MGAT4C: variants seen among roughly 807,000 people sequenced by gnomAD.
The protein encoded by MGAT4C is MGAT4 family member C.
In MGAT4C, 19 loss-of-function variants were observed where a neutral mutation model predicts 40.1. The observed-to-expected ratio is 0.47, with a 90% CI of 0.33 to 0.70. The LOEUF (loss-of-function observed/expected upper bound fraction) is 0.70. Ranked by LOEUF, MGAT4C falls within the 30% of genes least tolerant of loss-of-function variation. The pLI is 0.02. For missense variants in MGAT4C, 491 were observed against 563.2 expected, an observed-to-expected ratio of 0.87 and a Z score of 1.30; for synonymous variants, 181 against 187.1, an observed-to-expected ratio of 0.97 and a Z score of 0.27.
intron 3 of MGAT4C, among the ~76,000 whole-genome samples, chr12:86,405,433 C>T (rs941817519): frequency 1.3e-5 from 2 of 151,792 alleles, no homozygotes; most frequent in East Asian, 3.9e-4. Flanking sequence ...AAGGCTTGCA[C>T]CAGACTTGTA....
At chr12:86,295,047 G>A (rs1953626719) in intron 4 of MGAT4C, among the ~76,000 whole-genome samples, 1 of 152,122 alleles carries the variant, frequency 6.6e-6, no homozygotes, top group South Asian at 2.1e-4. Context: ...CATGGAGAAT[G>A]GTTCTTTAAA....
In MGAT4C at chr12:86,672,759, G is replaced by A. The variant is rs1213789450; in HGVS notation, c.-229+54450C>T. The stretch of plus-strand genomic sequence containing the variant: ...ACAATAGAAACTAGAAAGTAATAGG[G>A]AGGTTGGCAGGCAGGGAAAATGTTG... On this transcript the variant is annotated intron_variant, in intron 2 of 7. Coordinates refer to the MGAT4C transcript ENST00000548651. Among the ~76,000 whole-genome samples the A allele has an allele frequency of 4.6e-5, 7 of 152,208 alleles. No homozygotes were observed. The South Asian group carries it at 1.5e-3, about 32-fold the overall frequency.
chr12:86,214,243 C>T (rs191013065), intron 1 of MGAT4C, among the ~76,000 whole-genome samples: 3 of 152,250 alleles, frequency 2.0e-5, no homozygotes, highest in African/African-American at 7.2e-5. Context: ...CCCTTTTCTT[C>T]TGGACTATGT....
At chr12:86,443,761 T>C (rs530483205) in intron 2 of MGAT4C, among the ~76,000 whole-genome samples, 21 of 152,142 alleles carry the variant, frequency 1.4e-4, no homozygotes, top group Non-Finnish European at 3.1e-4. Context: ...GTCAGGCTAA[T>C]TTTTTGTATT....
chr12:86,053,628 G>C (rs1030567650), intron 1 of MGAT4C, among the ~76,000 whole-genome samples: 2 of 151,742 alleles, frequency 1.3e-5, no homozygotes, highest in Non-Finnish European at 1.5e-5. Context: ...GAGAAACAAT[G>C]GATAAAACAA....
chr12:86,593,854 C>T (rs978263549), intron 2 of MGAT4C, among the ~76,000 whole-genome samples: 6 of 151,668 alleles, frequency 4.0e-5, no homozygotes, highest in African/African-American at 1.2e-4. Flanking sequence ...CTCTGTTCTA[C>T]GTCATGCTTC....
chr12:86,503,741 A>G (rs1402327434), intron 2 of MGAT4C, among the ~76,000 whole-genome samples: 2 of 96,680 alleles, frequency 2.1e-5, no homozygotes, highest in Non-Finnish European at 4.0e-5. Context: ...CTGCTCATAT[A>G]TATATATATG....
chr12:86,477,239 TA>T (rs1039359512), intron 2 of MGAT4C, among the ~76,000 whole-genome samples: 1 of 151,864 alleles, frequency 6.6e-6, no homozygotes, highest in Non-Finnish European at 1.5e-5. Flanking sequence ...ATGCAGCCAT[TA>T]AAAAAACCTT....
At chr12:86,811,374 ACT>A (rs1952471217) in intron 1 of MGAT4C, among the ~76,000 whole-genome samples, 1 of 123,376 alleles carries the variant, frequency 8.1e-6, no homozygotes, top group Non-Finnish European at 1.6e-5. Context: ...ACAGAGTCTC[ACT>A]CTGTCACCCA....
chr12:86,552,655 G>A (rs905090710), intron 2 of MGAT4C, among the ~76,000 whole-genome samples: 12 of 151,840 alleles, frequency 7.9e-5, no homozygotes, highest in African/African-American at 2.9e-4. Flanking sequence ...CAATTATTAT[G>A]TGCCAATTTA....
intron 2 of MGAT4C, among the ~76,000 whole-genome samples, chr12:86,021,139 T>G (rs1179530769): frequency 3.9e-5 from 6 of 152,108 alleles, no homozygotes; most frequent in East Asian, 3.9e-4. Flanking sequence ...CACTGTTGGT[T>G]GGACTGTAAA....
chr12:86,253,558 C>A (rs1952393167), intron 1 of MGAT4C, among the ~76,000 whole-genome samples: 1 of 151,884 alleles, frequency 6.6e-6, no homozygotes, highest in Non-Finnish European at 1.5e-5. Flanking sequence ...TATATATACA[C>A]AAGGTTGATA....
intron 2 of MGAT4C, among the ~76,000 whole-genome samples, chr12:86,010,208 T>C (rs1469065721): frequency 6.6e-6 from 1 of 152,176 alleles, no homozygotes; most frequent in African/African-American, 2.4e-5. Flanking sequence ...TCACAGACTA[T>C]TATTTAAAGC....
In MGAT4C at chr12:86,472,728, G is replaced by A. The variant is rs113181217; in HGVS notation, c.-228-37463C>T. Among the ~76,000 whole-genome samples the A allele has an allele frequency of 3.3e-3, 499 of 152,096 alleles. 2 individuals are homozygous for A. The highest frequency in any genetic ancestry group is 0.012 in the African/African-American group (483 of 41,516). On this transcript the variant is annotated intron_variant, in intron 2 of 7. Transcript: ENST00000548651. ...TAAGATATTTGCATTTTCAAGTTTT[G>A]TATTAGAAGCAGTTTTGAGTCTTAG...
chr12:86,559,040 C>T (rs1024399079), intron 2 of MGAT4C, among the ~76,000 whole-genome samples: 2 of 151,424 alleles, frequency 1.3e-5, no homozygotes, highest in Non-Finnish European at 3.0e-5. Flanking sequence ...GCAGGCATAC[C>T]TATATTTGTG....
At chr12:86,504,049 A>G (rs1466449764) in intron 2 of MGAT4C, among the ~76,000 whole-genome samples, 5 of 151,646 alleles carry the variant, frequency 3.3e-5, no homozygotes, top group Admixed American at 3.3e-4. Context: ...AGGCTACCAA[A>G]TGGCCAACAA....
At chr12:86,527,509 T>G (rs1022768003) in intron 2 of MGAT4C, among the ~76,000 whole-genome samples, 1 of 152,112 alleles carries the variant, frequency 6.6e-6, no homozygotes, top group African/African-American at 2.4e-5. Flanking sequence ...ACTTTAGAAT[T>G]TTTTTTCTAT....
chr12:86,767,836 T>C (rs1951543762), intron 1 of MGAT4C, among the ~76,000 whole-genome samples: 1 of 152,150 alleles, frequency 6.6e-6, no homozygotes, highest in Non-Finnish European at 1.5e-5. Context: ...CTAAAAACTC[T>C]CAGTAAATTA....
At chr12:86,309,037 C>G (rs1382081439) in intron 4 of MGAT4C, among the ~76,000 whole-genome samples, 1 of 150,344 alleles carries the variant, frequency 6.7e-6, no homozygotes, top group Admixed American at 6.6e-5. Context: ...ACCCATTCTG[C>G]TTCCATAATA....
Sources: gnomAD v4.1 joint callset for allele counts (sites outside exome capture counted in the v4.1 genomes callset) on GRCh38, gnomAD v4.1.1 for gene constraint, MANE v1.5 for transcripts, NCBI Gene and HGNC (gene_info 2026-07-23, HGNC 2026-07-21) for gene names.